GNB1L: variants seen among roughly 807,000 people sequenced by gnomAD.
GNB1L encodes guanine nucleotide-binding protein subunit beta-like protein 1.
In GNB1L, 20 loss-of-function variants were observed where a neutral mutation model predicts 29.1. The observed-to-expected ratio is 0.69, with a 90% CI of 0.48 to 1.00. The LOEUF (loss-of-function observed/expected upper bound fraction) is 1.00, where lower values mean the gene tolerates loss of function less well. GNB1L is among the 50% of genes least tolerant of loss of function. The pLI, the probability that GNB1L is intolerant of heterozygous loss-of-function variation, is 0.00. For missense variants in GNB1L, 421 were observed against 464.9 expected (o/e 0.91, Z 0.87); for synonymous variants, 193 against 206.5 (o/e 0.93, Z 0.56).
chr22:19,835,505 C>T (rs1937750380), intron 2 of GNB1L, among the ~76,000 whole-genome samples: 1 of 151,680 alleles, frequency 6.6e-6, no homozygotes, highest in Admixed American at 6.6e-5. Flanking sequence ...TGGTGAAACC[C>T]CACCTAAAAA....
intron 2 of GNB1L, among the ~76,000 whole-genome samples, chr22:19,822,214 G>A (rs777579324): frequency 2.6e-5 from 4 of 152,188 alleles, no homozygotes; most frequent in South Asian, 2.1e-4. Context: ...GGCCCCTGGC[G>A]CTGAGGCCTG....
In GNB1L at chr22:19,852,142, G is replaced by A. The variant is rs374252372; in HGVS notation, c.-21+2301C>T. The A allele has an allele frequency of 1.7e-5, 27 of 1,614,054 alleles. No homozygotes were observed. In the African/African-American group the frequency reaches 3.3e-4, roughly 20 times the overall value. On this transcript the variant is annotated intron_variant, in intron 2 of 7. Coordinates refer to ENST00000329517, the MANE Select transcript of GNB1L (RefSeq NM_053004.3). ...GCTCAATCCAGGGATCCACAAGGGG[G>A]GTGTATGCCACCCCAGGAGACGCCT...
chr22:19,815,102 A>T (rs1463297896), intron 4 of GNB1L, among the ~76,000 whole-genome samples: 1 of 152,178 alleles, frequency 6.6e-6, no homozygotes, highest in Non-Finnish European at 1.5e-5. Flanking sequence ...AAAGGGACTA[A>T]GGAGACGTGA....
intron 2 of GNB1L, among the ~76,000 whole-genome samples, chr22:19,823,066 G>C (rs1463868327): frequency 6.6e-6 from 1 of 152,206 alleles, no homozygotes; most frequent in African/African-American, 2.4e-5. Flanking sequence ...CCAGGGCGCA[G>C]GTCCACCCTG....
chr22:19,845,278 A>T (rs1292047425), intron 2 of GNB1L, among the ~76,000 whole-genome samples: 1 of 152,244 alleles, frequency 6.6e-6, no homozygotes, highest in Admixed American at 6.5e-5. Flanking sequence ...CATGCGAATG[A>T]GGACAGAGGC....
rs1937189895 is a variant in GNB1L, at chr22:19,786,142, T to A, written c.*2567A>T. ...GATCTGCCTGGCAAGGGGGGCCCTA[T>A]CTGCCTAGCCACCCAGATGCGGGCA... is the stretch of plus-strand genomic sequence containing the variant. On this transcript the variant is annotated 3_prime_UTR_variant, in exon 8 of 8. Coordinates refer to ENST00000329517, the MANE Select transcript of GNB1L (RefSeq NM_053004.3). The A allele has an allele frequency of 6.6e-6, 1 of 152,322 alleles. No homozygotes were observed. The highest frequency in any genetic ancestry group is 1.5e-5 in the Non-Finnish European group (1 of 68,106). The allele number at this position is 152,322 out of a possible 1,614,324, so 9.4% of individuals were successfully genotyped here. A position where few individuals can be genotyped will look rare whatever the true frequency, so the allele number is the denominator to read the frequency against.
At chr22:19,799,993 A>C (rs1000598565) in intron 7 of GNB1L, among the ~76,000 whole-genome samples, 4 of 152,152 alleles carry the variant, frequency 2.6e-5, no homozygotes, top group Non-Finnish European at 5.9e-5. Context: ...CATGCAACAC[A>C]GGGCTCAGCA....
At chr22:19,822,454 C>T (rs1360742271) in intron 2 of GNB1L, among the ~76,000 whole-genome samples, 2 of 152,256 alleles carry the variant, frequency 1.3e-5, no homozygotes, top group Non-Finnish European at 2.9e-5. Flanking sequence ...CTCAGCCCCA[C>T]AGCTGGCTGC....
At chr22:19,849,900 C>T (rs1196232901) in intron 2 of GNB1L, 1 of 985,352 alleles carries the variant, frequency 1.0e-6, no homozygotes. Context: ...AAACTTGGCT[C>T]CAGGAGCTTC....
chr22:19,793,134 A>G (rs1486203151), intron 7 of GNB1L: 1 of 1,120,646 alleles, frequency 8.9e-7, no homozygotes. Flanking sequence ...AAATAATTAA[A>G]ATAATACAAA....
At chr22:19,789,512 G>T (rs948904359) in intron 7 of GNB1L, among the ~76,000 whole-genome samples, 2 of 152,040 alleles carry the variant, frequency 1.3e-5, no homozygotes, top group African/African-American at 2.4e-5. Flanking sequence ...CAGGATGAGG[G>T]GGGGACAAGG....
At position 19,788,970 on chromosome 22, in the gene GNB1L, T is replaced by A. The variant is rs773515813; in HGVS notation, c.733-10A>T. ...CATGAGTCCCACGCACCTGTGAGAG[T>A]TGGGAGAGGTGTTAGGCCACTCCTT... On this transcript the variant is annotated splice_polypyrimidine_tract_variant and intron_variant, in intron 7 of 7. Coordinates refer to ENST00000329517, the MANE Select transcript of GNB1L (RefSeq NM_053004.3). The A allele has an allele frequency of 6.3e-7, 1 of 1,591,582 alleles. No individual in the cohort carries two copies.
At chr22:19,819,820 G>T (rs1937563529) in intron 4 of GNB1L, among the ~76,000 whole-genome samples, 1 of 152,150 alleles carries the variant, frequency 6.6e-6, no homozygotes, top group Non-Finnish European at 1.5e-5. Context: ...AGGAGACACT[G>T]CAGGGGGGAC....
At position 19,805,274 on chromosome 22, in the gene GNB1L, G is replaced by A. The variant is rs190702058; in HGVS notation, c.516+1385C>T. 2.3e-3 allele frequency among the ~76,000 whole-genome samples: 352 copies of A among 152,330 alleles called. 1 individual carries two copies. Among genetic ancestry groups the A allele is most frequent in the African/African-American group, 7.8e-3 (325 of 41,564 alleles). ...CAGGGGGAAGCTGACTGCAGTAAGGGGCGCCCACTTTCTGGTCACGTGGAG... is the reference window on the plus strand; with the variant it reads ...CAGGGGGAAGCTGACTGCAGTAAGGAGCGCCCACTTTCTGGTCACGTGGAG... On this transcript the variant is annotated intron_variant, in intron 6 of 7. Coordinates refer to ENST00000329517, the MANE Select transcript of GNB1L (RefSeq NM_053004.3).
chr22:19,798,215 GCTGGCATGTAC>G (rs544591494), intron 7 of GNB1L, among the ~76,000 whole-genome samples: 1 of 152,354 alleles, frequency 6.6e-6, no homozygotes, highest in South Asian at 2.1e-4. Flanking sequence ...GTGAGGGGAT[GCTGGCATGTAC>G]CTGTCATGCG....
At chr22:19,842,451 G>A (rs1356990888) in intron 2 of GNB1L, among the ~76,000 whole-genome samples, 1 of 152,216 alleles carries the variant, frequency 6.6e-6, no homozygotes, top group Non-Finnish European at 1.5e-5. Context: ...GCCCACCAAG[G>A]CCTCGGGGGC....
At chr22:19,799,944 C>G (rs1346483441) in intron 7 of GNB1L, among the ~76,000 whole-genome samples, 1 of 152,196 alleles carries the variant, frequency 6.6e-6, no homozygotes, top group Non-Finnish European at 1.5e-5. Context: ...GTCCCCTGTT[C>G]CTGGAGTCGC....
Position 19,816,459 on chromosome 22 carries a change from G to A in GNB1L, c.255-4012C>T, listed in dbSNP as rs897718236. Reference sequence around the variant, plus strand: ...CCAGACCTAGAATCTGCCATCTCCCGGGGAACCCTCACTCAGCTTAGGACA... The same window carrying A: ...CCAGACCTAGAATCTGCCATCTCCCAGGGAACCCTCACTCAGCTTAGGACA... On this transcript the variant is annotated intron_variant, in intron 4 of 7. Coordinates refer to ENST00000329517, the MANE Select transcript of GNB1L (RefSeq NM_053004.3). The surrounding 1 kb of genome is among the most constrained non-coding windows in gnomAD (Gnocchi z 4.4). Among the ~76,000 whole-genome samples the A allele has an allele frequency of 1.3e-5, 2 of 152,114 alleles. No homozygotes were observed. The highest frequency in any genetic ancestry group is 2.9e-5 in the Non-Finnish European group (2 of 68,010).
At position 19,802,446 on chromosome 22, in the gene GNB1L, C is replaced by T. The variant is rs566283011; in HGVS notation, c.517-230G>A. ...ACTGGCACGGCTGCCCTTAGGGCAC[C>T]CCAAGGACATAGGGGTGGAGGGCAG... On this transcript the variant is annotated intron_variant, in intron 6 of 7. Coordinates refer to ENST00000329517, the MANE Select transcript of GNB1L (RefSeq NM_053004.3). Among the ~76,000 whole-genome samples, 307 of 152,312 alleles carry T rather than the reference C, an allele frequency of 2.0e-3. 1 individual carries two copies. Among genetic ancestry groups the T allele is most frequent in the Middle Eastern group, 3.4e-3 (1 of 294 alleles).
Sources: allele counts gnomAD v4.1 joint callset (sites outside exome capture counted in the v4.1 genomes callset), GRCh38; gene constraint gnomAD v4.1.1; non-coding constraint Gnocchi (gnomAD v3.1); transcripts MANE v1.5; gene names NCBI Gene and HGNC (gene_info 2026-07-23, HGNC 2026-07-21).